The following MYO18B variants were observed in gnomAD, a reference collection of about 807,000 sequenced individuals.
The protein encoded by MYO18B is unconventional myosin-XVIIIb.
Under a neutral mutation model 273.0 loss-of-function variants are expected in MYO18B, and 204 were observed. The observed-to-expected ratio is 0.75, with a 90% CI of 0.67 to 0.84. The LOEUF (loss-of-function observed/expected upper bound fraction) is 0.84, where lower values mean the gene tolerates loss of function less well. Among genes scored for constraint, MYO18B ranks in the 40% least tolerant of loss-of-function variants. The pLI is 0.00. For synonymous variants in MYO18B, 1,330 were observed against 1,305.7 expected, an observed-to-expected ratio of 1.02 and a Z score of -0.40; for missense variants, 3,212 against 3,287.6, an observed-to-expected ratio of 0.98 and a Z score of 0.56.
chr22:25,926,494 A>G (rs1251581806), intron 34 of MYO18B, among the ~76,000 whole-genome samples: 1 of 152,084 alleles, frequency 6.6e-6, no homozygotes, highest in Admixed American at 6.5e-5. Context: ...CATCTTGGCC[A>G]GGTTTTACTG....
chr22:25,837,231 G>T (rs2145961542), intron 17 of MYO18B, among the ~76,000 whole-genome samples: 1 of 152,212 alleles, frequency 6.6e-6, no homozygotes, highest in South Asian at 2.1e-4. Context: ...TCTGGTTGAG[G>T]TCACTGAGAG....
chr22:25,768,753 A>G lies in MYO18B; in HGVS notation c.837A>G (p.Pro279=), dbSNP rs372918477. 1.4e-4 allele frequency: 225 copies of G among 1,606,150 alleles called. No individual in the cohort carries two copies. Among genetic ancestry groups the G allele is most frequent in the Middle Eastern group, 4.9e-4 (3 of 6,066 alleles). The change falls in exon 4 of 44, where the codon CCA becomes CCG. Residue 279 remains proline, a synonymous_variant. Coordinates refer to ENST00000335473, the MANE Select transcript of MYO18B (RefSeq NM_032608.7). Reference sequence around the variant, plus strand: ...AAGGGCCCGGCGAGGGGGTGCGACCAGGGAAAGCAGAGAAGGAGGGAGCAG... The same window carrying G: ...AAGGGCCCGGCGAGGGGGTGCGACCGGGGAAAGCAGAGAAGGAGGGAGCAG... ...QAQGPGEGVR[P]GKAEKEGAEP...
chr22:25,866,208 A>G (rs1044570063), intron 21 of MYO18B, among the ~76,000 whole-genome samples: 1 of 121,684 alleles, frequency 8.2e-6, no homozygotes, highest in East Asian at 2.5e-4. Context: ...CTGACAGTTT[A>G]TTCTTAAAAT....
intron 2 of MYO18B, 118 bp downstream of exon 2, chr22:25,761,249 G>A (rs2146591338): frequency 8.7e-7 from 1 of 1,154,408 alleles, no homozygotes; most frequent in Non-Finnish European, 1.3e-6. Flanking sequence ...CCTCCTAGTA[G>A]CATGTGCAAT....
At chr22:25,807,495 G>A (rs552080552) in intron 12 of MYO18B, among the ~76,000 whole-genome samples, 38 of 152,296 alleles carry the variant, frequency 2.5e-4, no homozygotes, top group African/African-American at 7.0e-4. Context: ...TTGGCTTGGG[G>A]TCTCTCATGT....
At chr22:25,866,374 T>G (rs1301675746) in intron 21 of MYO18B, among the ~76,000 whole-genome samples, 1 of 152,108 alleles carries the variant, frequency 6.6e-6, no homozygotes, top group Non-Finnish European at 1.5e-5. Context: ...CACCACTATT[T>G]GACAAGGGGA....
At chr22:26,015,995 T>G (rs950648920) in intron 42 of MYO18B, among the ~76,000 whole-genome samples, 1 of 152,224 alleles carries the variant, frequency 6.6e-6, no homozygotes, top group Admixed American at 6.5e-5. Context: ...CAAGGAAATA[T>G]TAATGGATGC....
intron 28 of MYO18B, chr22:25,898,067 T>A: frequency 4.2e-6 from 2 of 475,020 alleles, no homozygotes; most frequent in Non-Finnish European, 7.4e-6. Flanking sequence ...TGAGCAAAAG[T>A]AAAATCAACC....
At chr22:25,958,103 C>T (rs1017986910) in intron 39 of MYO18B, among the ~76,000 whole-genome samples, 4 of 151,828 alleles carry the variant, frequency 2.6e-5, no homozygotes, top group Non-Finnish European at 5.9e-5. Flanking sequence ...TTAGTAGAGG[C>T]GGGGTTTCAC....
intron 43 of MYO18B, among the ~76,000 whole-genome samples, chr22:26,030,178 C>T (rs896084102): frequency 6.6e-6 from 1 of 152,124 alleles, no homozygotes; most frequent in African/African-American, 2.4e-5. Flanking sequence ...TGAGACCAGC[C>T]TGGGCAACAT....
intron 34 of MYO18B, among the ~76,000 whole-genome samples, chr22:25,924,578 G>T (rs1447188973): frequency 1.3e-5 from 2 of 152,220 alleles, no homozygotes; most frequent in Non-Finnish European, 1.5e-5. Context: ...GTCCTGTTTA[G>T]CTTGGGTGGT....
At chr22:25,825,907 A>T (rs1426109418) in intron 13 of MYO18B, among the ~76,000 whole-genome samples, 1 of 152,224 alleles carries the variant, frequency 6.6e-6, no homozygotes, top group African/African-American at 2.4e-5. Context: ...CTCTCCAGAA[A>T]AAGGGAATCA....
chr22:25,874,951 A>G (rs10222226), intron 23 of MYO18B, among the ~76,000 whole-genome samples: 1,757 of 152,354 alleles, frequency 0.012, 36 homozygotes, highest in African/African-American at 0.041. Flanking sequence ...CACTTAATAC[A>G]GTACATGGCA....
At chr22:25,823,751 T>G in intron 13 of MYO18B, 73 bp downstream of exon 13, 1 of 1,485,122 alleles carries the variant, frequency 6.7e-7, no homozygotes, top group Non-Finnish European at 9.2e-7. Context: ...ACCAGCATTC[T>G]TTAACTTTTT....
intron 12 of MYO18B, among the ~76,000 whole-genome samples, chr22:25,802,493 G>A (rs1601739796): frequency 6.6e-6 from 1 of 152,246 alleles, no homozygotes; most frequent in African/African-American, 2.4e-5. Context: ...GCTCACGCCT[G>A]TAATCCCAGC....
At chr22:25,904,577 G>C (rs2092002916) in intron 31 of MYO18B, among the ~76,000 whole-genome samples, 1 of 152,026 alleles carries the variant, frequency 6.6e-6, no homozygotes, top group South Asian at 2.1e-4. Flanking sequence ...CTACTCTTTG[G>C]GGAAAATAAA....
intron 25 of MYO18B, among the ~76,000 whole-genome samples, chr22:25,888,271 T>A (rs745345479): frequency 6.6e-6 from 1 of 152,136 alleles, no homozygotes; most frequent in South Asian, 2.1e-4. Flanking sequence ...CATTTTCTTT[T>A]ATTTTTTTAA....
chr22:26,029,304 C>A (rs536807693), intron 43 of MYO18B, among the ~76,000 whole-genome samples: 2 of 152,178 alleles, frequency 1.3e-5, no homozygotes, highest in African/African-American at 2.4e-5. Flanking sequence ...CCTCCTTGAC[C>A]CAAATGAGGC....
the MYO18B span, among the ~76,000 whole-genome samples, chr22:26,036,157 T>G: frequency 6.6e-6 from 1 of 152,200 alleles, no homozygotes; most frequent in Non-Finnish European, 1.5e-5. Context: ...TGGTTGTGAT[T>G]AATGGCCTGG....
Sources: allele counts gnomAD v4.1 joint callset (sites outside exome capture counted in the v4.1 genomes callset), GRCh38; gene constraint gnomAD v4.1.1; transcripts MANE v1.5; gene names NCBI Gene and HGNC (gene_info 2026-07-23, HGNC 2026-07-21).